CROCC2: variants seen among roughly 807,000 people sequenced by gnomAD.
The protein encoded by CROCC2 is ciliary rootlet coiled-coil protein 2.
In CROCC2, 163 loss-of-function variants were observed where a neutral mutation model predicts 177.6. The ratio of observed to expected loss-of-function variants is 0.92; its 90% CI spans 0.81 to 1.05. The LOEUF (loss-of-function observed/expected upper bound fraction) is 1.05. Ranked by LOEUF, CROCC2 falls within the 50% of genes least tolerant of loss-of-function variation. The pLI is 0.00. For missense variants in CROCC2, 1,929 were observed against 1,797.8 expected (o/e 1.07, Z -1.32); for synonymous variants, 904 against 787.3 (o/e 1.15, Z -2.48).
In CROCC2 at chr2:240,946,187, T is replaced by C; in HGVS notation, c.2297T>C (p.Leu766Pro). 1.3e-6 allele frequency: 2 copies of C among 1,547,828 alleles called. No homozygotes were observed. Among genetic ancestry groups the C allele is most frequent in the Non-Finnish European group, 1.7e-6 (2 of 1,144,678 alleles). The change falls in exon 15 of 32, where the codon CTG (leucine) becomes CCG (proline). Residue 766 changes from leucine to proline, a missense_variant. Leu to Pro is a moderately conservative substitution (Grantham distance 98). Around this residue, in one of 3 missense-constraint regions of CROCC2, gnomAD observed 1,397 missense variants for 1,239.9 expected, o/e 1.13. Coordinates refer to ENST00000690015, the MANE Select transcript of CROCC2 (RefSeq NM_001351305.2). ...GCTCTGTCTGAGGAGCGGGCCCAGC[T>C]GCTGGCCAAGCAGGAGGCCTTGGAG... ...KDALSEERAQ[L>P]LAKQEALERQ...
intron 27 of CROCC2, among the ~76,000 whole-genome samples, chr2:240,975,505 G>A (rs1271829558): frequency 6.6e-6 from 1 of 152,190 alleles, no homozygotes; most frequent in African/African-American, 2.4e-5. Context: ...TGAGGCTGAG[G>A]ACCCCAATTC....
intron 28 of CROCC2, chr2:240,983,471 G>A (rs1023676400): frequency 1.4e-5 from 18 of 1,244,154 alleles, no homozygotes; most frequent in Non-Finnish European, 1.9e-5. Flanking sequence ...GGAGGCGGCC[G>A]AGGCGCAGGC....
chr2:240,983,002 T>G lies in CROCC2; in HGVS notation c.4524T>G (p.Ala1508=). Residue 1508 remains alanine, a synonymous_variant, in exon 28 of 32, where the codon GCT becomes GCG. Coordinates refer to ENST00000690015, the MANE Select transcript of CROCC2 (RefSeq NM_001351305.2). ...ACTTGGAGCACAGGTGCCAGAAGGC[T>G]GAGGTATCGCTGGAGCCCCTGCGAC... ...LTNLEHRCQK[A]EVSLEPLRQM... is the part of the protein sequence containing the mutation. 2 of 1,550,412 alleles carry G rather than the reference T, an allele frequency of 1.3e-6. No individual in the cohort carries two copies. Among genetic ancestry groups the G allele is most frequent in the Middle Eastern group, 1.7e-4 (1 of 5,968 alleles).
intron 20 of CROCC2, among the ~76,000 whole-genome samples, chr2:240,961,651 T>TCACACACACGTA (rs1559606056): frequency 8.2e-6 from 1 of 122,684 alleles, no homozygotes; most frequent in African/African-American, 3.3e-5. Context: ...CACACGCTCA[T>TCACACACACGTA]CACACACACG....
rs1351996878 is a variant in CROCC2, at chr2:240,960,304, A to G, written c.3087+860A>G. Among the ~76,000 whole-genome samples the G allele has an allele frequency of 2.0e-5, 3 of 152,042 alleles. No homozygotes were observed. The highest frequency in any genetic ancestry group is 4.4e-5 in the Non-Finnish European group (3 of 67,994). ...ATTTGGGGCAGCAGGCAAGAAAATA[A>G]GTGGGTTAGTGGAGATTTCGGGGTG... On this transcript the variant is annotated intron_variant, in intron 20 of 31. Coordinates refer to ENST00000690015, the MANE Select transcript of CROCC2 (RefSeq NM_001351305.2). This position sits in a 1 kb window ranked among gnomAD's most constrained non-coding sequence, Gnocchi z 5.0.
At chr2:240,942,991 A>G (rs1056100159) in intron 14 of CROCC2, among the ~76,000 whole-genome samples, 2 of 152,146 alleles carry the variant, frequency 1.3e-5, no homozygotes, top group Admixed American at 6.6e-5. Flanking sequence ...TATAAAAAAT[A>G]CATACTTTTT....
chr2:240,942,558 GT>G (rs1186417681), intron 14 of CROCC2, among the ~76,000 whole-genome samples: 28 of 152,112 alleles, frequency 1.8e-4, no homozygotes, highest in Admixed American at 1.8e-3. Flanking sequence ...CAGACTTTGT[GT>G]TTTTGTAGAT....
chr2:240,967,709 A>G (rs1378580523), intron 26 of CROCC2: 1 of 461,106 alleles, frequency 2.2e-6, no homozygotes, highest in African/African-American at 2.1e-5. Flanking sequence ...GGCCCTCCCG[A>G]TCCGGCCCCC....
Position 240,972,950 on chromosome 2 carries a change from C to T in CROCC2, c.4401+4688C>T, listed in dbSNP as rs2059731988. On this transcript the variant is annotated intron_variant, in intron 27 of 31. Coordinates refer to ENST00000690015, the MANE Select transcript of CROCC2 (RefSeq NM_001351305.2). The surrounding 1 kb of genome is among the most constrained non-coding windows in gnomAD (Gnocchi z 7.1). ...CTCAGGGTTGAAATTTTCTAGCCAG[C>T]CAGGGGGCTGGGAACATAGCCATGC... Among the ~76,000 whole-genome samples the T allele has an allele frequency of 2.0e-5, 3 of 152,084 alleles. No homozygotes were observed. Among genetic ancestry groups the T allele is most frequent in the Admixed American group, 2.0e-4 (3 of 15,266 alleles).
rs1424810405 is a variant in CROCC2 at position 240,958,054 on chromosome 2, C to T, written c.2944-1247C>T. ...CTCGGTACCAGGCCTGCCAGCCAGC[C>T]GGCCTTCCTGGGGAGCTCGTTAAGG... On this transcript the variant is annotated intron_variant, in intron 19 of 31. Transcript: ENST00000690015. The surrounding 1 kb of genome is among the most constrained non-coding windows in gnomAD (Gnocchi z 6.7). The T allele has an allele frequency of 7.1e-6, 7 of 985,246 alleles. No individual in the cohort carries two copies. Among genetic ancestry groups the T allele is most frequent in the East Asian group, 1.1e-4 (1 of 8,812 alleles). The allele number at this position is 985,246 out of a possible 1,614,324, so 61.0% of individuals were successfully genotyped here.
In CROCC2 at chr2:240,972,393, GTCC is replaced by G. The variant is rs56925714; in HGVS notation, c.4401+4135_4401+4137del. Among the ~76,000 whole-genome samples, 12,942 of 152,058 alleles carry G rather than the reference GTCC, an allele frequency of 0.085. 687 individuals are homozygous for G. Among genetic ancestry groups the G allele is most frequent in the East Asian group, 0.18 (925 of 5,126 alleles). On this transcript the variant is annotated intron_variant, in intron 27 of 31. Coordinates refer to ENST00000690015, the MANE Select transcript of CROCC2 (RefSeq NM_001351305.2). The surrounding 1 kb of genome is among the most constrained non-coding windows in gnomAD (Gnocchi z 7.1). ...CTCTCCGGTGCACGGTCACGGTGCG[GTCC>G]TCCACCTCCCCAGCTGCTTGCCTCA... is the stretch of plus-strand genomic sequence containing the variant.
chr2:240,934,192 C>G, intron 11 of CROCC2, 139 bp from the exon 12 acceptor site: 1 of 969,318 alleles, frequency 1.0e-6, no homozygotes, highest in African/African-American at 1.7e-5. Context: ...CCCTGCCTTC[C>G]TGGTCCTCCA....
At chr2:240,923,454 C>G (rs1225097074) in intron 4 of CROCC2, among the ~76,000 whole-genome samples, 1 of 130,030 alleles carries the variant, frequency 7.7e-6, no homozygotes, top group South Asian at 2.8e-4. Context: ...CTAACCCGGC[C>G]CCCCACACTA....
intron 20 of CROCC2, among the ~76,000 whole-genome samples, chr2:240,961,546 A>T (rs2059634101): frequency 6.6e-6 from 1 of 150,766 alleles, no homozygotes; most frequent in Admixed American, 6.6e-5. Flanking sequence ...TGGCTCACAC[A>T]CACACACTCA....
chr2:240,948,906 G>C (rs1056121675), intron 15 of CROCC2, 73 bp from the exon 16 acceptor site: 1 of 1,405,070 alleles, frequency 7.1e-7, no homozygotes, highest in Non-Finnish European at 9.8e-7. Context: ...TAACACCTGT[G>C]TAAAGCTATA....
At chr2:240,927,113 T>A (rs566401184) in intron 5 of CROCC2, among the ~76,000 whole-genome samples, 10 of 152,342 alleles carry the variant, frequency 6.6e-5, no homozygotes, top group African/African-American at 2.4e-4. Flanking sequence ...CTTAAAGATA[T>A]GCTTTCTCTT....
At chr2:240,915,438 C>T (rs898419419) in intron 1 of CROCC2, among the ~76,000 whole-genome samples, 30 of 152,230 alleles carry the variant, frequency 2.0e-4, no homozygotes, top group African/African-American at 7.0e-4. Flanking sequence ...CCACTGCACC[C>T]TCACAGAGCC....
In CROCC2 at chr2:240,982,982, G is replaced by A. The variant is rs534250065; in HGVS notation, c.4504G>A (p.Glu1502Lys). The A allele has an allele frequency of 5.2e-6, 8 of 1,550,506 alleles. 1 individual carries two copies. In the South Asian group the frequency reaches 7.1e-5, roughly 14 times the overall value. ...GCTGGAAGAACAGCTCACCAACTTG[G>A]AGCACAGGTGCCAGAAGGCTGAGGT... ...KLLEEQLTNL[E>K]HRCQKAEVSL... is the part of the protein sequence containing the mutation. The change falls in exon 28 of 32, where the codon GAG becomes AAG. Residue 1502 changes from glutamate to lysine, a missense_variant. This residue lies in a region of CROCC2 where 388 missense variants were observed against 352.7 expected (regional missense o/e 1.10). Coordinates refer to ENST00000690015, the MANE Select transcript of CROCC2 (RefSeq NM_001351305.2). The surrounding 1 kb of genome is among the most constrained non-coding windows in gnomAD (Gnocchi z 4.7).
intron 27 of CROCC2, among the ~76,000 whole-genome samples, chr2:240,968,755 C>T (rs1036818591): frequency 5.9e-5 from 9 of 152,226 alleles, no homozygotes; most frequent in Non-Finnish European, 1.3e-4. Context: ...AGTCAGTGTC[C>T]CTACATGCCA....
Sources: allele counts gnomAD v4.1 joint callset (sites outside exome capture counted in the v4.1 genomes callset), GRCh38; gene constraint gnomAD v4.1.1; regional missense constraint gnomAD v4.1.1; non-coding constraint Gnocchi (gnomAD v3.1); transcripts MANE v1.5; gene names NCBI Gene and HGNC (gene_info 2026-07-23, HGNC 2026-07-21).